Variants in ZIM3 observed in about 807,000 individuals in gnomAD.
ZIM3 encodes zinc finger protein 657.
A neutral mutation model predicts 12.9 loss-of-function variants in ZIM3; 11 were observed. The ratio of observed to expected loss-of-function variants is 0.85; its 90% CI spans 0.54 to 1.41. The LOEUF (loss-of-function observed/expected upper bound fraction) is 1.41, where lower values mean the gene tolerates loss of function less well. Ranked by LOEUF, ZIM3 falls within the 40% of genes most tolerant of loss-of-function variation. The pLI, the probability that ZIM3 is intolerant of heterozygous loss-of-function variation, is 0.00. For missense variants in ZIM3, 604 were observed against 557.2 expected (o/e 1.08, Z -0.85); for synonymous variants, 205 against 198.5 (o/e 1.03, Z -0.28).
At chr19:57,138,708 C>G in intron 2 of ZIM3, 110 bp from the exon 3 acceptor site, 1 of 1,380,916 alleles carries the variant, frequency 7.2e-7, no homozygotes, top group African/African-American at 1.4e-5. Context: ...ATAATTCACT[C>G]TACTCTGGAT....
Position 57,135,942 on chromosome 19 carries a change from T to A in ZIM3, c.395A>T (p.Asp132Val), listed in dbSNP as rs776217114. 6.2e-7 allele frequency: 1 copy of A among 1,614,184 alleles called. No homozygotes were observed. The highest frequency in any genetic ancestry group is 8.5e-7 in the Non-Finnish European group (1 of 1,180,040). ...ATAGTGTTGCAAGGAAGATACATCA[T>A]CTATGCCCAGTGGAAGTATTTTCTT... Reference protein sequence around the residue: ...GSKKILPLGIDDVSSLQHYVQ... With the variant: ...GSKKILPLGIVDVSSLQHYVQ... The change falls in exon 5 of 5, where the codon GAT (aspartate) becomes GTT (valine). Residue 132 changes from aspartate to valine, a missense_variant. Coordinates refer to ENST00000269834, the MANE Select transcript of ZIM3 (RefSeq NM_052882.1).
At chr19:57,140,734 AGT>A (rs1415634579) in intron 2 of ZIM3, among the ~76,000 whole-genome samples, 2 of 152,044 alleles carry the variant, frequency 1.3e-5, no homozygotes, top group African/African-American at 4.8e-5. Context: ...CGCCTCCCAA[AGT>A]GCTGGGATTA....
chr19:57,138,137 AG>A (rs549745585), intron 3 of ZIM3, among the ~76,000 whole-genome samples: 32,314 of 137,528 alleles, frequency 0.23, 12,215 homozygotes, highest in Non-Finnish European at 0.29. Context: ...GGAGGGAGGG[AG>A]GGAAGGAAGG....
At chr19:57,138,346 C>T (rs898127743) in intron 3 of ZIM3, 126 bp downstream of exon 3, 30 of 1,391,396 alleles carry the variant, frequency 2.2e-5, no homozygotes, top group East Asian at 7.0e-5. Context: ...ACCCTAGTCC[C>T]GGCTCTACAA....
intron 2 of ZIM3, among the ~76,000 whole-genome samples, chr19:57,140,229 T>C (rs552655713): frequency 1.3e-5 from 2 of 152,060 alleles, no homozygotes; most frequent in African/African-American, 4.8e-5. Context: ...CAGGCTGGAG[T>C]GCAGTGGCAC....
At chr19:57,141,050 T>G (rs905840447) in intron 2 of ZIM3, among the ~76,000 whole-genome samples, 1 of 152,110 alleles carries the variant, frequency 6.6e-6, no homozygotes, top group African/African-American at 2.4e-5. Context: ...CACATGACAC[T>G]GTTACATCTC....
chr19:57,135,267 T>A lies in ZIM3; in HGVS notation c.1070A>T (p.His357Leu), dbSNP rs1383971792. The A allele has an allele frequency of 6.2e-7, 1 of 1,614,024 alleles. No individual in the cohort carries two copies. The highest frequency in any genetic ancestry group is 1.3e-5 in the African/African-American group (1 of 74,928). The change falls in exon 5 of 5, where the codon CAC becomes CTC. Residue 357 changes from histidine (H) to leucine (L), a missense_variant. Transcript: ENST00000269834. The part of the protein sequence containing the change: ...KSNVIDHEKI[H>L]TGKRAYECDL... ...ACACTCATAAGCTCTCTTCCCAGTGTGAATTTTCTCATGATCGATGACATT... is the reference window on the plus strand; with the variant it reads ...ACACTCATAAGCTCTCTTCCCAGTGAGAATTTTCTCATGATCGATGACATT...
At position 57,138,591 on chromosome 19, in the gene ZIM3, A is replaced by C; in HGVS notation, c.23T>G (p.Val8Gly). Residue 8 changes from valine (V) to glycine (G), a missense_variant, in exon 3 of 5, where the codon GTG (valine) becomes GGG (glycine). Coordinates refer to ENST00000269834, the MANE Select transcript of ZIM3 (RefSeq NM_052882.1). MNNSQGRVTFEDVTVNFT... is the reference protein window; with the variant it reads MNNSQGRGTFEDVTVNFT... Reference sequence around the variant, plus strand: ...GTTCACAGTGACATCCTCGAAGGTCACTCTTCCCTGTAACAACAGATTCCC... The same window carrying C: ...GTTCACAGTGACATCCTCGAAGGTCCCTCTTCCCTGTAACAACAGATTCCC... 6.2e-7 allele frequency: 1 copy of C among 1,614,100 alleles called. No homozygotes were observed. The highest frequency in any genetic ancestry group is 8.5e-7 in the Non-Finnish European group (1 of 1,179,994).
intron 2 of ZIM3, among the ~76,000 whole-genome samples, chr19:57,140,060 C>T (rs1462399306): frequency 6.6e-6 from 1 of 152,214 alleles, no homozygotes; most frequent in East Asian, 1.9e-4. Flanking sequence ...ATTCCTTTGT[C>T]AGAAACTGAA....
In ZIM3 at chr19:57,135,193, T is replaced by C. The variant is rs373069741; in HGVS notation, c.1144A>G (p.Lys382Glu). ...FIQKKNLIQH[K>E]KIHTGEKPYE... ...GGCTTTTCCCCAGTATGGATTTTTT[T>C]ATGTTGAATGAGGTTTTTCTTCTGG... Residue 382 changes from lysine to glutamate, a missense_variant, in exon 5 of 5, where the codon AAA becomes GAA. Coordinates refer to ENST00000269834, the MANE Select transcript of ZIM3 (RefSeq NM_052882.1). The C allele has an allele frequency of 3.1e-6, 5 of 1,613,892 alleles. No homozygotes were observed. Among genetic ancestry groups the C allele is most frequent in the Non-Finnish European group, 4.2e-6 (5 of 1,179,902 alleles).
chr19:57,143,330 CAA>C (rs1285167863), intron 1 of ZIM3, among the ~76,000 whole-genome samples: 6 of 112,442 alleles, frequency 5.3e-5, no homozygotes, highest in Non-Finnish European at 7.6e-5. Context: ...GACTCCGTCC[CAA>C]AAAAAAAAAA....
In ZIM3 at chr19:57,139,315, C is replaced by T. The variant is rs1350670168; in HGVS notation, c.16-717G>A. Among the ~76,000 whole-genome samples, 4 of 149,054 alleles carry T rather than the reference C, an allele frequency of 2.7e-5. No individual in the cohort carries two copies. In the Admixed American group the frequency reaches 2.7e-4, roughly 10 times the overall value. On this transcript the variant is annotated intron_variant, in intron 2 of 4. Coordinates refer to ENST00000269834, the MANE Select transcript of ZIM3 (RefSeq NM_052882.1). Reference sequence around the variant, plus strand: ...TGCACTCCAGCCAGGGCAACAAGAGCAAAACTCTGTCTCAAGAAAAAAAAG... The same window carrying T: ...TGCACTCCAGCCAGGGCAACAAGAGTAAAACTCTGTCTCAAGAAAAAAAAG...
chr19:57,144,220 T>A (rs975372697), intron 1 of ZIM3, among the ~76,000 whole-genome samples: 1 of 151,914 alleles, frequency 6.6e-6, no homozygotes, highest in African/African-American at 2.4e-5. Flanking sequence ...TCAGCTAACT[T>A]TTTATTTTTT....
At chr19:57,136,700 A>G (rs774697430) in intron 4 of ZIM3, among the ~76,000 whole-genome samples, 173 bp downstream of exon 4, 1 of 151,302 alleles carries the variant, frequency 6.6e-6, no homozygotes, top group African/African-American at 2.4e-5. Context: ...GTTTGCCTGC[A>G]AAGGAAAACC....
chr19:57,139,663 G>T lies in ZIM3; in HGVS notation c.16-1065C>A, dbSNP rs543718223. On this transcript the variant is annotated intron_variant, in intron 2 of 4. Transcript: ENST00000269834. ...ATCGCTTGAACCCTGGGAGGTGGAG[G>T]TTGCAGTGAGCTGAGATCACACCAC... 2.2e-4 allele frequency among the ~76,000 whole-genome samples: 33 copies of T among 152,264 alleles called. No individual in the cohort carries two copies. In the Middle Eastern group the frequency reaches 0.02, roughly 94 times the overall value.
chr19:57,138,379 A>C (rs2086899366), intron 3 of ZIM3, 93 bp downstream of exon 3: 5 of 1,568,906 alleles, frequency 3.2e-6, no homozygotes, highest in Non-Finnish European at 4.4e-6. Context: ...AGTGAGGAGC[A>C]CCTCTGTGCC....
At chr19:57,142,067 A>G (rs976481909) in intron 2 of ZIM3, among the ~76,000 whole-genome samples, 12 of 150,024 alleles carry the variant, frequency 8.0e-5, no homozygotes, top group African/African-American at 3.0e-4. Flanking sequence ...GGCAATACCC[A>G]TTGTCTCAGT....
chr19:57,143,536 C>T (rs1309394231), intron 1 of ZIM3, among the ~76,000 whole-genome samples: 1 of 152,098 alleles, frequency 6.6e-6, no homozygotes, highest in Non-Finnish European at 1.5e-5. Context: ...AGCCCTTCAG[C>T]TTTGCCATAA....
At chr19:57,139,563 T>C (rs889187573) in intron 2 of ZIM3, among the ~76,000 whole-genome samples, 2 of 150,548 alleles carry the variant, frequency 1.3e-5, no homozygotes, top group Non-Finnish European at 3.0e-5. Context: ...CCATCTCTAC[T>C]AAAAATACAA....
Sources: allele counts gnomAD v4.1 joint callset (sites outside exome capture counted in the v4.1 genomes callset), GRCh38; gene constraint gnomAD v4.1.1; transcripts MANE v1.5; gene names NCBI Gene and HGNC (gene_info 2026-07-23, HGNC 2026-07-21).